RAD18: variants seen among roughly 807,000 people sequenced by gnomAD.
RAD18 encodes the protein E3 ubiquitin-protein ligase RAD18.
A neutral mutation model predicts 60.4 loss-of-function variants in RAD18; 47 were observed. That is an observed-to-expected ratio of 0.78 (90% confidence interval 0.62 to 0.99). The LOEUF is 0.99. Ranked by LOEUF, RAD18 falls within the 50% of genes least tolerant of loss-of-function variation. The probability of loss-of-function intolerance (pLI) is 0.00; values close to 1 mark genes in which losing one functional copy is unlikely to be tolerated. For synonymous variants in RAD18, 225 were observed against 195.5 expected, an observed-to-expected ratio of 1.15 and a Z score of -1.26; for missense variants, 640 against 593.3, an observed-to-expected ratio of 1.08 and a Z score of -0.82.
chr3:8,893,666 A>C (rs1423046186), intron 11 of RAD18, among the ~76,000 whole-genome samples: 1 of 151,308 alleles, frequency 6.6e-6, no homozygotes, highest in Non-Finnish European at 1.5e-5. Flanking sequence ...CACAGTGATA[A>C]TTACTTTGTA....
chr3:8,934,175 C>A (rs867852394), intron 7 of RAD18, among the ~76,000 whole-genome samples: 1 of 152,090 alleles, frequency 6.6e-6, no homozygotes, highest in Non-Finnish European at 1.5e-5. Flanking sequence ...AATTTAGGAG[C>A]AAGAACAATA....
chr3:8,961,053 AG>A (rs1415020942), intron 1 of RAD18, among the ~76,000 whole-genome samples: 1 of 152,252 alleles, frequency 6.6e-6, no homozygotes. Context: ...GAGCAGAGGC[AG>A]GCCCAGAAGC....
intron 10 of RAD18, among the ~76,000 whole-genome samples, chr3:8,901,411 G>A (rs1050844563): frequency 2.0e-5 from 3 of 151,854 alleles, no homozygotes; most frequent in African/African-American, 7.3e-5. Flanking sequence ...GCAGATAAAT[G>A]GATAAACAAA....
intron 11 of RAD18, among the ~76,000 whole-genome samples, chr3:8,894,758 G>GTTTTT (rs1939756002): frequency 8.3e-6 from 1 of 120,054 alleles, no homozygotes; most frequent in African/African-American, 3.8e-5. Context: ...CAGTTTAAGC[G>GTTTTT]CTTTTTTTTT....
chr3:8,881,140 G>A lies in RAD18; in HGVS notation c.*217C>T. ...CCTGTGTGAAATGTCAGTATTTTTA[G>A]AGAGAGATGTTTTAGAGGCAGGAGG... On this transcript the variant is annotated 3_prime_UTR_variant, in exon 13 of 13. Transcript: ENST00000264926. 2.1e-6 allele frequency: 1 copy of A among 486,518 alleles called. No homozygotes were observed. The highest frequency in any genetic ancestry group is 3.7e-6 in the Non-Finnish European group (1 of 273,518). The allele number at this position is 486,518 out of a possible 1,614,324, so 30.1% of individuals were successfully genotyped here.
intron 11 of RAD18, among the ~76,000 whole-genome samples, chr3:8,893,693 A>AT (rs71049754): frequency 0.13 from 13,159 of 104,784 alleles, 876 homozygotes; most frequent in South Asian, 0.17. Context: ...AGCTTTTTTA[A>AT]TTTTTTTTTT....
intron 1 of RAD18, 125 bp downstream of exon 1, chr3:8,963,210 G>A: frequency 9.1e-7 from 1 of 1,094,988 alleles, no homozygotes; most frequent in Middle Eastern, 2.3e-4. Flanking sequence ...GGCAGAGCCG[G>A]ATACCCGGGC....
rs895370187 is a variant in RAD18 at position 8,963,439 on chromosome 3, A to C, written c.-54T>G. 15 of 1,479,138 alleles carry C rather than the reference A, an allele frequency of 1.0e-5. No individual in the cohort carries two copies. Among genetic ancestry groups the C allele is most frequent in the African/African-American group, 2.8e-5 (2 of 70,686 alleles). The allele number at this position is 1,479,138 out of a possible 1,614,324, so 91.6% of individuals were successfully genotyped here. A position where few individuals can be genotyped will look rare whatever the true frequency, so the allele number is the denominator to read the frequency against. ...CCACCCACTAGCCTCCGGCGCTCCA[A>C]CACCACTCGAAATTCCCCGCGCTAC... On this transcript the variant is annotated 5_prime_UTR_variant, in exon 1 of 13. Coordinates refer to ENST00000264926, the MANE Select transcript of RAD18 (RefSeq NM_020165.4).
At chr3:8,947,371 C>A (rs1255194564) in intron 3 of RAD18, 81 bp from the exon 4 acceptor site, 2 of 1,171,046 alleles carry the variant, frequency 1.7e-6, no homozygotes, top group African/African-American at 1.5e-5. Context: ...AAATGTCTGA[C>A]CCATCCTCCT....
In RAD18 at chr3:8,958,987, C is replaced by A. The variant is rs1941055960; in HGVS notation, c.66G>T (p.Leu22Phe). The A allele has an allele frequency of 6.2e-7, 1 of 1,613,378 alleles. No homozygotes were observed. Among genetic ancestry groups the A allele is most frequent in the African/African-American group, 1.3e-5 (1 of 74,844 alleles). The change falls in exon 2 of 13, where the codon TTG becomes TTT. Residue 22 changes from leucine (L) to phenylalanine (F), a missense_variant. Coordinates refer to ENST00000264926, the MANE Select transcript of RAD18 (RefSeq NM_020165.4). ...ACTCGAAGCAAATTCCACACCGCAG[C>A]AAATCATCTATTGTCTGAAATGCAA... ...GLAVMKTIDD[L>F]LRCGICFEYF...
intron 7 of RAD18, among the ~76,000 whole-genome samples, chr3:8,925,649 GC>G (rs1940420230): frequency 6.6e-6 from 1 of 152,168 alleles, no homozygotes; most frequent in Admixed American, 6.5e-5. Context: ...GAACATCGAT[GC>G]AAAAATCCTC....
chr3:8,963,303 C>T, intron 1 of RAD18, 32 bp downstream of exon 1: 1 of 1,590,052 alleles, frequency 6.3e-7, no homozygotes, highest in South Asian at 1.1e-5. Context: ...CCGCAGACAC[C>T]CGGGAGCTCC....
At chr3:8,916,246 C>G (rs990287935) in intron 7 of RAD18, among the ~76,000 whole-genome samples, 9 of 152,172 alleles carry the variant, frequency 5.9e-5, no homozygotes, top group African/African-American at 2.2e-4. Context: ...GGGGCAGGAT[C>G]GCTGAAAAAG....
At chr3:8,918,201 C>A (rs944879572) in intron 7 of RAD18, among the ~76,000 whole-genome samples, 22 of 151,808 alleles carry the variant, frequency 1.4e-4, no homozygotes, top group African/African-American at 5.3e-4. Context: ...GCCTGTAGTC[C>A]CAGCTACTTG....
intron 7 of RAD18, among the ~76,000 whole-genome samples, chr3:8,928,228 C>G (rs527673871): frequency 6.6e-6 from 1 of 151,272 alleles, no homozygotes; most frequent in Admixed American, 6.6e-5. Flanking sequence ...ACATAAAAAA[C>G]TAAAAAATAC....
chr3:8,948,773 G>GT (rs1197927033), intron 2 of RAD18, among the ~76,000 whole-genome samples: 1 of 152,118 alleles, frequency 6.6e-6, no homozygotes. Flanking sequence ...CATAAATATT[G>GT]TAAGTCTTTA....
At chr3:8,955,041 TGAA>T (rs1475975517) in intron 2 of RAD18, among the ~76,000 whole-genome samples, 1 of 152,190 alleles carries the variant, frequency 6.6e-6, no homozygotes, top group African/African-American at 2.4e-5. Context: ...CTATAAGTCA[TGAA>T]GAAGTGAGCA....
Position 8,947,404 on chromosome 3 carries a change from C to T in RAD18, c.196-114G>A, listed in dbSNP as rs1940855769. 9.0e-6 allele frequency: 7 copies of T among 775,396 alleles called. No individual in the cohort carries two copies. The Admixed American group carries it at 1.4e-4, about 16-fold the overall frequency. 48.0% of individuals were successfully genotyped at this position (775,396 alleles called of 1,614,324 possible). Reference sequence around the variant, plus strand: ...CCTGAGGTTCTCCATCCCACTAAGTCTTCTAAGGCAGCCTCAAAATAAAGT... The same window carrying T: ...CCTGAGGTTCTCCATCCCACTAAGTTTTCTAAGGCAGCCTCAAAATAAAGT... On this transcript the variant is annotated intron_variant, in intron 3 of 12. Transcript: ENST00000264926.
chr3:8,945,968 C>T (rs966525925), intron 4 of RAD18, among the ~76,000 whole-genome samples: 1 of 152,028 alleles, frequency 6.6e-6, no homozygotes, highest in African/African-American at 2.4e-5. Context: ...GTAAAAGTTA[C>T]AGTAAGGTTA....
Sources: gnomAD v4.1 joint callset for allele counts (sites outside exome capture counted in the v4.1 genomes callset) on GRCh38, gnomAD v4.1.1 for gene constraint, MANE v1.5 for transcripts, NCBI Gene and HGNC (gene_info 2026-07-23, HGNC 2026-07-21) for gene names.